Variants in DNAH11 observed in about 807,000 individuals in gnomAD.
DNAH11 encodes axonemal beta dynein heavy chain 11.
In DNAH11, 442 loss-of-function variants were observed where a neutral mutation model predicts 526.0. The observed-to-expected ratio is 0.84, with a 90% CI of 0.78 to 0.91. DNAH11 has a LOEUF of 0.91. DNAH11 is among the 40% of genes least tolerant of loss of function. The pLI, the probability that DNAH11 is intolerant of heterozygous loss-of-function variation, is 0.00. For synonymous variants in DNAH11, 2,461 were observed against 1,935.9 expected (o/e 1.27, Z -7.12); for missense variants, 6,989 against 5,448.7 (o/e 1.28, Z -8.90).
At chr7:21,657,696 T>C (rs962538041) in intron 29 of DNAH11, among the ~76,000 whole-genome samples, 1 of 152,148 alleles carries the variant, frequency 6.6e-6, no homozygotes, top group African/African-American at 2.4e-5. Flanking sequence ...CCAGACCCCA[T>C]TGGTTAGATC....
intron 63 of DNAH11, among the ~76,000 whole-genome samples, chr7:21,814,092 A>G (rs149208656): frequency 1.8e-4 from 27 of 152,340 alleles, no homozygotes; most frequent in African/African-American, 6.0e-4. Flanking sequence ...GCTGTAGGCA[A>G]TTGTAGCACA....
intron 65 of DNAH11, among the ~76,000 whole-genome samples, chr7:21,836,652 A>T (rs760180035): frequency 2.0e-5 from 3 of 152,152 alleles, no homozygotes; most frequent in Non-Finnish European, 4.4e-5. Flanking sequence ...AGAAGAAAAC[A>T]TTAGGGGAAT....
Position 21,591,264 on chromosome 7 carries a change from T to A in DNAH11, c.2354T>A (p.Ile785Asn), listed in dbSNP as rs749673513. 1.9e-6 allele frequency: 3 copies of A among 1,607,466 alleles called. No homozygotes were observed. The highest frequency in any genetic ancestry group is 2.5e-6 in the Non-Finnish European group (3 of 1,176,474). The change falls in exon 14 of 82, where the codon ATT becomes AAT. Residue 785 changes from isoleucine to asparagine, a missense_variant. Physicochemically the swap from Ile to Asn is moderately radical, Grantham distance 149. Coordinates refer to ENST00000409508, the MANE Select transcript of DNAH11 (RefSeq NM_001277115.2). ...CTCCTGGAAGTTGAATACCCTCTGATTGAAGATGAGCTGAGGGCTATTGAC... is the reference window on the plus strand; with the variant it reads ...CTCCTGGAAGTTGAATACCCTCTGAATGAAGATGAGCTGAGGGCTATTGAC... ...QTLLEVEYPLIEDELRAIDEQ... is the reference protein window; with the variant it reads ...QTLLEVEYPLNEDELRAIDEQ...
At chr7:21,724,540 C>T (rs1051705960) in intron 44 of DNAH11, among the ~76,000 whole-genome samples, 3 of 151,072 alleles carry the variant, frequency 2.0e-5, no homozygotes, top group Non-Finnish European at 4.4e-5. Context: ...TTTAAGAGTT[C>T]ATCAAACTCA....
intron 16 of DNAH11, 29 bp downstream of exon 16, chr7:21,600,959 G>A: frequency 6.2e-7 from 1 of 1,611,698 alleles, no homozygotes; most frequent in Non-Finnish European, 8.5e-7. Context: ...ATTTAATGTA[G>A]TGAAATGGCT....
At chr7:21,704,207 C>G (rs1784171626) in intron 37 of DNAH11, among the ~76,000 whole-genome samples, 1 of 152,146 alleles carries the variant, frequency 6.6e-6, no homozygotes, top group Admixed American at 6.6e-5. Flanking sequence ...GGCCTCTTTG[C>G]TGTTCTTATT....
chr7:21,736,419 C>T (rs560017977), intron 46 of DNAH11, among the ~76,000 whole-genome samples: 4 of 152,146 alleles, frequency 2.6e-5, no homozygotes, highest in Admixed American at 1.3e-4. Flanking sequence ...GAGCTGATGT[C>T]GGAAGGCCAG....
chr7:21,879,886 A>T (rs373853464), intron 74 of DNAH11, among the ~76,000 whole-genome samples: 2 of 152,214 alleles, frequency 1.3e-5, no homozygotes, highest in East Asian at 3.9e-4. Context: ...GGAGTTCAAG[A>T]CCAGCCTGGC....
intron 65 of DNAH11, among the ~76,000 whole-genome samples, chr7:21,839,367 G>C (rs1583757949): frequency 1.3e-5 from 2 of 152,096 alleles, no homozygotes; most frequent in African/African-American, 4.8e-5. Flanking sequence ...GAGGTCAGGA[G>C]TTTGAGACCA....
intron 48 of DNAH11, 45 bp from the exon 49 acceptor site, chr7:21,741,882 G>C (rs375152768): frequency 3.1e-4 from 501 of 1,596,558 alleles, no homozygotes; most frequent in Non-Finnish European, 4.2e-4. Context: ...CAATTTTCTG[G>C]TACAATTGTA....
chr7:21,671,036 G>C (rs1782622759), intron 30 of DNAH11, among the ~76,000 whole-genome samples: 1 of 152,134 alleles, frequency 6.6e-6, no homozygotes, highest in African/African-American at 2.4e-5. Context: ...GAAGGAGTTG[G>C]AAAGTGATCC....
intron 28 of DNAH11, among the ~76,000 whole-genome samples, chr7:21,646,807 A>G (rs182433236): frequency 2.0e-5 from 3 of 152,228 alleles, no homozygotes; most frequent in Admixed American, 6.5e-5. Context: ...TTAAATAGCA[A>G]TATCCAAAAG....
At chr7:21,757,401 C>T (rs893243794) in intron 54 of DNAH11, among the ~76,000 whole-genome samples, 2 of 152,042 alleles carry the variant, frequency 1.3e-5, no homozygotes, top group Admixed American at 6.6e-5. Context: ...TTATCCTATC[C>T]GTTTTTATTT....
At chr7:21,701,312 C>T (rs1390782840) in intron 36 of DNAH11, among the ~76,000 whole-genome samples, 4 of 141,038 alleles carry the variant, frequency 2.8e-5, no homozygotes, top group African/African-American at 5.4e-5. Context: ...TTTTTTGAGA[C>T]AGTGCCTCGC....
At chr7:21,637,188 C>G (rs912319970) in intron 26 of DNAH11, among the ~76,000 whole-genome samples, 1 of 151,952 alleles carries the variant, frequency 6.6e-6, no homozygotes, top group African/African-American at 2.4e-5. Context: ...CTGTCTCTCT[C>G]TTTCTCTCTC....
intron 61 of DNAH11, among the ~76,000 whole-genome samples, chr7:21,798,285 G>C (rs1338832308): frequency 6.6e-6 from 1 of 152,114 alleles, no homozygotes; most frequent in Non-Finnish European, 1.5e-5. Context: ...TAGTAGAGAT[G>C]GAGTTTCACC....
chr7:21,757,094 C>G (rs1786670986), intron 54 of DNAH11, among the ~76,000 whole-genome samples: 1 of 152,134 alleles, frequency 6.6e-6, no homozygotes, highest in Admixed American at 6.6e-5. Context: ...TTTTACCAAC[C>G]AATTCAGTGC....
rs1785720292 is a variant in DNAH11, at chr7:21,738,555, TCC to T, written c.7646-144_7646-143del. 1.1e-5 allele frequency: 8 copies of T among 728,676 alleles called. 1 individual carries two copies. Among genetic ancestry groups the T allele is most frequent in the African/African-American group, 7.3e-5 (4 of 54,520 alleles). The allele number at this position is 728,676 out of a possible 1,614,324, so 45.1% of individuals were successfully genotyped here. A position where few individuals can be genotyped will look rare whatever the true frequency, so the allele number is the denominator to read the frequency against. ...CACAAAAGGAGGGGCCAGAGACACA[TCC>T]CGGGTCTCTTAACCTATGAAGGGGC... On this transcript the variant is annotated intron_variant, in intron 46 of 81. Coordinates refer to ENST00000409508, the MANE Select transcript of DNAH11 (RefSeq NM_001277115.2).
chr7:21,783,356 A>C (rs750378089), intron 57 of DNAH11, among the ~76,000 whole-genome samples: 21 of 152,268 alleles, frequency 1.4e-4, no homozygotes, highest in Non-Finnish European at 2.5e-4. Flanking sequence ...AAGGGTAATT[A>C]CTGCTAATAA....
Sources: gnomAD v4.1 joint callset for allele counts (sites outside exome capture counted in the v4.1 genomes callset) on GRCh38, gnomAD v4.1.1 for gene constraint, MANE v1.5 for transcripts, NCBI Gene and HGNC (gene_info 2026-07-23, HGNC 2026-07-21) for gene names.